The following GRID2 variants were observed in gnomAD, a reference collection of about 807,000 sequenced individuals.
The protein encoded by GRID2 is glutamate ionotropic receptor delta type subunit 2, also known as glutamate receptor ionotropic, delta-2.
In GRID2, 33 loss-of-function variants were observed where a neutral mutation model predicts 114.8. The observed-to-expected ratio is 0.29, with a 90% CI of 0.22 to 0.38. The LOEUF is 0.38. Among genes scored for constraint, GRID2 ranks in the 10% least tolerant of loss-of-function variants. GRID2 has a pLI of 1.00. For missense variants in GRID2, 1,184 were observed against 1,257.7 expected, an observed-to-expected ratio of 0.94 and a Z score of 0.89; for synonymous variants, 505 against 449.9, an observed-to-expected ratio of 1.12 and a Z score of -1.55.
intron 2 of GRID2, among the ~76,000 whole-genome samples, chr4:93,027,765 C>A (rs1724016920): frequency 6.6e-6 from 1 of 151,994 alleles, no homozygotes. Context: ...AAATGAAATA[C>A]CTAAATACAA....
rs190559845 is a variant in GRID2, at chr4:92,621,865, T to G, written c.244+31579T>G. ...ATACATAAGAATAGCTAGAGTTTGGTGAAACATGAAACACACAGAAATTTT... is the reference window on the plus strand; with the variant it reads ...ATACATAAGAATAGCTAGAGTTTGGGGAAACATGAAACACACAGAAATTTT... On this transcript the variant is annotated intron_variant, in intron 2 of 15. Coordinates refer to ENST00000282020, the MANE Select transcript of GRID2 (RefSeq NM_001510.4). 1.3e-3 allele frequency among the ~76,000 whole-genome samples: 202 copies of G among 151,816 alleles called. 1 individual carries two copies. The highest frequency in any genetic ancestry group is 4.5e-3 in the African/African-American group (186 of 41,460).
At chr4:93,339,590 T>TA (rs911245250) in intron 8 of GRID2, among the ~76,000 whole-genome samples, 1 of 152,174 alleles carries the variant, frequency 6.6e-6, no homozygotes, top group Non-Finnish European at 1.5e-5. Context: ...ATTTCTGTTT[T>TA]AAGCCACCCA....
chr4:92,943,863 G>A (rs954385158), intron 2 of GRID2, among the ~76,000 whole-genome samples: 1 of 152,226 alleles, frequency 6.6e-6, no homozygotes, highest in East Asian at 1.9e-4. Flanking sequence ...CTGTTTGCCT[G>A]AGTATCAGCA....
intron 2 of GRID2, among the ~76,000 whole-genome samples, chr4:92,935,171 T>C (rs1168348742): frequency 2.1e-5 from 3 of 145,254 alleles, no homozygotes; most frequent in Admixed American, 1.5e-4. Flanking sequence ...GAATCTACAA[T>C]GAACTCAAAC....
intron 2 of GRID2, among the ~76,000 whole-genome samples, chr4:92,994,056 T>A (rs1755059699): frequency 6.6e-6 from 1 of 152,152 alleles, no homozygotes; most frequent in Non-Finnish European, 1.5e-5. Context: ...TACAATGAGA[T>A]TGTCTTTGAA....
chr4:93,415,723 T>C (rs1580006096), intron 9 of GRID2, among the ~76,000 whole-genome samples: 1 of 152,052 alleles, frequency 6.6e-6, no homozygotes, highest in Admixed American at 6.6e-5. Flanking sequence ...ATTTCATTAG[T>C]TGAAAGCAAT....
chr4:92,487,915 A>G (rs1722971527), intron 1 of GRID2, among the ~76,000 whole-genome samples: 1 of 152,168 alleles, frequency 6.6e-6, no homozygotes, highest in East Asian at 1.9e-4. Context: ...AAACAATTTC[A>G]TATATGTTAT....
intron 13 of GRID2, among the ~76,000 whole-genome samples, chr4:93,549,819 A>G (rs1733589697): frequency 6.6e-6 from 1 of 152,218 alleles, no homozygotes; most frequent in African/African-American, 2.4e-5. Context: ...AAAAACTACA[A>G]GGAATTCCTT....
At chr4:93,448,982 C>T (rs189188580) in intron 10 of GRID2, among the ~76,000 whole-genome samples, 8 of 145,038 alleles carry the variant, frequency 5.5e-5, no homozygotes, top group African/African-American at 2.1e-4. Context: ...CCTTCTTCTC[C>T]ATCTCCCTCC....
chr4:93,367,188 ATT>A (rs78389161), intron 8 of GRID2, among the ~76,000 whole-genome samples: 2 of 123,856 alleles, frequency 1.6e-5, no homozygotes, highest in African/African-American at 5.8e-5. Flanking sequence ...CTGTGGCTTT[ATT>A]TTTTTTTTTT....
At chr4:93,138,873 G>T (rs1735507129) in intron 4 of GRID2, among the ~76,000 whole-genome samples, 1 of 152,178 alleles carries the variant, frequency 6.6e-6, no homozygotes, top group Non-Finnish European at 1.5e-5. Flanking sequence ...TCCTTTACCT[G>T]AAATCGGGTC....
intron 2 of GRID2, among the ~76,000 whole-genome samples, chr4:93,064,857 T>A (rs762281018): frequency 6.6e-6 from 1 of 151,928 alleles, no homozygotes; most frequent in Non-Finnish European, 1.5e-5. Flanking sequence ...AGTCTAATCA[T>A]CCTTGTCTTA....
intron 1 of GRID2, among the ~76,000 whole-genome samples, chr4:92,512,485 A>C (rs1724302272): frequency 1.3e-5 from 2 of 152,052 alleles, no homozygotes; most frequent in Admixed American, 6.6e-5. Context: ...AAAGAGATGA[A>C]TTATTTGTCA....
intron 2 of GRID2, among the ~76,000 whole-genome samples, chr4:92,874,926 G>T (rs1745512724): frequency 6.6e-6 from 1 of 152,010 alleles, no homozygotes; most frequent in Admixed American, 6.6e-5. Context: ...TTTGTTGTTG[G>T]TAATTAGTGT....
At chr4:93,496,829 T>G (rs1252391214) in intron 12 of GRID2, among the ~76,000 whole-genome samples, 1 of 151,906 alleles carries the variant, frequency 6.6e-6, no homozygotes, top group African/African-American at 2.4e-5. Context: ...ATATAAAGCT[T>G]CTAAGAACAC....
At chr4:93,511,224 A>T (rs1205826694) in intron 12 of GRID2, among the ~76,000 whole-genome samples, 1 of 152,170 alleles carries the variant, frequency 6.6e-6, no homozygotes, top group Non-Finnish European at 1.5e-5. Context: ...GACATGAGCC[A>T]CTGCGCCTGG....
intron 14 of GRID2, among the ~76,000 whole-genome samples, chr4:93,663,273 C>T (rs1226032067): frequency 6.6e-6 from 1 of 152,166 alleles, no homozygotes; most frequent in African/African-American, 2.4e-5. Flanking sequence ...TACAGCCTCC[C>T]TTCAGTGATT....
chr4:93,780,951 A>G (rs1425938624), intron 1 of GRID2, among the ~76,000 whole-genome samples: 1 of 152,250 alleles, frequency 6.6e-6, no homozygotes, highest in Non-Finnish European at 1.5e-5. Flanking sequence ...AAAAGAAAGA[A>G]GATACAGAGC....
At chr4:92,764,230 C>G (rs1387518654) in intron 2 of GRID2, among the ~76,000 whole-genome samples, 1 of 152,236 alleles carries the variant, frequency 6.6e-6, no homozygotes, top group South Asian at 2.1e-4. Context: ...CTGGCAAACA[C>G]ATTCTTTAAC....
Sources: gnomAD v4.1 joint callset for allele counts (sites outside exome capture counted in the v4.1 genomes callset) on GRCh38, gnomAD v4.1.1 for gene constraint, MANE v1.5 for transcripts, NCBI Gene and HGNC (gene_info 2026-07-23, HGNC 2026-07-21) for gene names.